BCL10: variants seen among roughly 807,000 people sequenced by gnomAD.
BCL10 encodes B-cell lymphoma/leukemia 10.
Under a neutral mutation model 19.2 loss-of-function variants are expected in BCL10, and 5 were observed. That is an observed-to-expected ratio of 0.26 (90% CI 0.14 to 0.55). The LOEUF (loss-of-function observed/expected upper bound fraction) is 0.55. Among genes scored for constraint, BCL10 ranks in the 20% least tolerant of loss-of-function variants. BCL10 has a pLI of 0.94. For missense variants in BCL10, 201 were observed against 271.9 expected, an observed-to-expected ratio of 0.74 and a Z score of 1.83; for synonymous variants, 110 against 98.8, an observed-to-expected ratio of 1.11 and a Z score of -0.67.
chr1:85,276,252 T>A, intron 1 of BCL10, 44 bp downstream of exon 1: 4 of 1,598,322 alleles, frequency 2.5e-6, no homozygotes, highest in Non-Finnish European at 3.4e-6. Flanking sequence ...CCCGCTGGGC[T>A]GCAGCCCGCC....
intron 1 of BCL10, among the ~76,000 whole-genome samples, chr1:85,275,814 G>A (rs938998900): frequency 6.6e-6 from 1 of 152,200 alleles, no homozygotes; most frequent in Non-Finnish European, 1.5e-5. Context: ...GGAATTCCAG[G>A]TTGTGCTTTC....
chr1:85,272,008 T>C (rs1372180289), intron 1 of BCL10, among the ~76,000 whole-genome samples: 2 of 152,098 alleles, frequency 1.3e-5, no homozygotes, highest in African/African-American at 4.8e-5. Flanking sequence ...TGGGAATACA[T>C]ATCACAGGTA....
chr1:85,275,561 T>C (rs1325135868), intron 1 of BCL10, among the ~76,000 whole-genome samples: 1 of 152,248 alleles, frequency 6.6e-6, no homozygotes, highest in Non-Finnish European at 1.5e-5. Flanking sequence ...AGATAAAGTA[T>C]TTTAGTGATA....
intron 1 of BCL10, among the ~76,000 whole-genome samples, chr1:85,273,885 G>GA (rs58289109): frequency 0.023 from 3,525 of 152,172 alleles, 100 homozygotes; most frequent in African/African-American, 0.07. Flanking sequence ...CTATACTTGG[G>GA]GGGAAAAAAA....
intron 1 of BCL10, among the ~76,000 whole-genome samples, chr1:85,274,713 G>C (rs933380444): frequency 6.6e-6 from 1 of 152,204 alleles, no homozygotes; most frequent in Admixed American, 6.5e-5. Context: ...AGGACCTAGA[G>C]TGGAGAGAAA....
chr1:85,269,465 G>A (rs573575753), intron 2 of BCL10, among the ~76,000 whole-genome samples: 2 of 152,290 alleles, frequency 1.3e-5, no homozygotes, highest in South Asian at 4.1e-4. Context: ...AGTCTATAAA[G>A]GGCACTTACA....
rs1660232763 is a variant in BCL10, at chr1:85,267,540, T to C, written c.*87A>G. On this transcript the variant is annotated 3_prime_UTR_variant, in exon 3 of 3. Coordinates refer to ENST00000648566, the MANE Select transcript of BCL10 (RefSeq NM_003921.5). ...CATTTTAAAAGACATGCATCAAATG[T>C]AAACAAATGATTACAGCCATTTTAT... 1 of 1,129,528 alleles carries C rather than the reference T, an allele frequency of 8.9e-7. No individual in the cohort carries two copies. The highest frequency in any genetic ancestry group is 1.6e-5 in the African/African-American group (1 of 63,616). The allele number at this position is 1,129,528 out of a possible 1,614,324, so 70.0% of individuals were successfully genotyped here. A position where few individuals can be genotyped will look rare whatever the true frequency, so the allele number is the denominator to read the frequency against.
chr1:85,274,313 T>C (rs1026032592), intron 1 of BCL10, among the ~76,000 whole-genome samples: 21 of 152,348 alleles, frequency 1.4e-4, no homozygotes, highest in African/African-American at 4.3e-4. Context: ...TTCAGTTGAA[T>C]GCAAAACTCA....
At chr1:85,268,699 C>T (rs868202939) in intron 2 of BCL10, among the ~76,000 whole-genome samples, 3 of 142,374 alleles carry the variant, frequency 2.1e-5, no homozygotes, top group African/African-American at 8.0e-5. Flanking sequence ...ACCTGGGAGG[C>T]AGAGGTTGCA....
intron 1 of BCL10, among the ~76,000 whole-genome samples, chr1:85,271,345 T>C (rs1660366674): frequency 6.6e-6 from 1 of 152,194 alleles, no homozygotes. Context: ...TATTAATTAC[T>C]CCATTTCCTT....
chr1:85,269,677 T>C (rs932120263), intron 2 of BCL10, among the ~76,000 whole-genome samples: 10 of 152,230 alleles, frequency 6.6e-5, no homozygotes, highest in African/African-American at 2.4e-4. Flanking sequence ...AGAAGAGCTG[T>C]AGAACATCAC....
At chr1:85,273,258 C>T (rs1660414987) in intron 1 of BCL10, among the ~76,000 whole-genome samples, 1 of 152,108 alleles carries the variant, frequency 6.6e-6, no homozygotes, top group East Asian at 1.9e-4. Flanking sequence ...ACCAATGACC[C>T]CCTTATTGCC....
chr1:85,276,187 C>T (rs900472068), intron 1 of BCL10, 109 bp downstream of exon 1: 37 of 1,412,924 alleles, frequency 2.6e-5, no homozygotes, highest in Middle Eastern at 3.6e-4. Context: ...ACTTTCCGCT[C>T]CTCCGACCTG....
intron 1 of BCL10, 30 bp downstream of exon 1, chr1:85,276,266 G>T (rs760970470): frequency 7.6e-7 from 1 of 1,320,654 alleles, no homozygotes; most frequent in Admixed American, 1.7e-5. Context: ...GCCCGCCCCC[G>T]CCCGCCCTGG....
chr1:85,266,143 T>G lies in BCL10; in HGVS notation c.*1484A>C. The G allele has an allele frequency of 5.3e-6, 1 of 187,222 alleles. No individual in the cohort carries two copies. The highest frequency in any genetic ancestry group is 1.1e-5 in the Non-Finnish European group (1 of 88,734). 11.6% of individuals were successfully genotyped at this position (187,222 alleles called of 1,614,324 possible). A position where few individuals can be genotyped will look rare whatever the true frequency, so the allele number is the denominator to read the frequency against. The stretch of plus-strand genomic sequence containing the variant: ...TCATCAGTCCATCCAGAAATGCAAC[T>G]CAATCTCACAACCTGAAGTAATGTT... On this transcript the variant is annotated 3_prime_UTR_variant, in exon 3 of 3. Coordinates refer to ENST00000648566, the MANE Select transcript of BCL10 (RefSeq NM_003921.5).
rs1475252403 is a variant in BCL10, at chr1:85,265,897, T to C, written c.*1730A>G. On this transcript the variant is annotated 3_prime_UTR_variant, in exon 3 of 3. Transcript: ENST00000648566. ...ATCTAAATTATAATCTTTGATTCAATTTTTAAAAAGGTGTCCACAAATTTA... is the reference window on the plus strand; with the variant it reads ...ATCTAAATTATAATCTTTGATTCAACTTTTAAAAAGGTGTCCACAAATTTA... Among the ~76,000 whole-genome samples, 2 of 152,224 alleles carry C rather than the reference T, an allele frequency of 1.3e-5. No individual in the cohort carries two copies. Among genetic ancestry groups the C allele is most frequent in the Non-Finnish European group, 2.9e-5 (2 of 68,032 alleles).
At chr1:85,275,530 TTC>T (rs1268829971) in intron 1 of BCL10, among the ~76,000 whole-genome samples, 4 of 152,248 alleles carry the variant, frequency 2.6e-5, no homozygotes, top group Admixed American at 1.3e-4. Flanking sequence ...CATGTTGAGT[TTC>T]TGTTTTTCAT....
intron 1 of BCL10, among the ~76,000 whole-genome samples, chr1:85,271,907 A>C (rs1660378548): frequency 6.6e-6 from 1 of 152,202 alleles, no homozygotes; most frequent in Admixed American, 6.5e-5. Flanking sequence ...TATTTTACAA[A>C]TCTAAATTCC....
chr1:85,270,961 T>G (rs1354732135), intron 1 of BCL10, 55 bp from the exon 2 acceptor site: 1 of 1,528,868 alleles, frequency 6.5e-7, no homozygotes, highest in Non-Finnish European at 8.9e-7. Context: ...GAAAATCACA[T>G]ACGTGACTAT....
Sources: gnomAD v4.1 joint callset for allele counts (sites outside exome capture counted in the v4.1 genomes callset) on GRCh38, gnomAD v4.1.1 for gene constraint, MANE v1.5 for transcripts, NCBI Gene and HGNC (gene_info 2026-07-23, HGNC 2026-07-21) for gene names.